SMPDL3B: variants seen among roughly 807,000 people sequenced by gnomAD.
SMPDL3B encodes the protein sphingomyelin phosphodiesterase acid like 3B.
In SMPDL3B, 31 loss-of-function variants were observed where a neutral mutation model predicts 37.9. The observed-to-expected ratio is 0.82, with a 90% CI of 0.61 to 1.10. SMPDL3B has a LOEUF of 1.10. Among genes scored for constraint, SMPDL3B ranks in the 50% least tolerant of loss-of-function variants. The pLI, the probability that SMPDL3B is intolerant of heterozygous loss-of-function variation, is 0.00. For synonymous variants in SMPDL3B, 235 were observed against 242.6 expected, an observed-to-expected ratio of 0.97 and a Z score of 0.29; for missense variants, 525 against 597.8, an observed-to-expected ratio of 0.88 and a Z score of 1.27.
chr1:27,953,443 G>A (rs991116080), intron 4 of SMPDL3B, 85 bp downstream of exon 4: 28 of 1,226,872 alleles, frequency 2.3e-5, no homozygotes, highest in Non-Finnish European at 3.2e-5. Flanking sequence ...CTTAGAATAA[G>A]TACTGATTTT....
rs1248463187 is a variant in SMPDL3B at position 27,955,783 on chromosome 1, C to T, written c.790C>T (p.Arg264Trp). 2 of 1,614,012 alleles carry T rather than the reference C, an allele frequency of 1.2e-6. No individual in the cohort carries two copies. Among genetic ancestry groups the T allele is most frequent in the African/African-American group, 1.3e-5 (1 of 74,906 alleles). The change falls in exon 6 of 8, where the codon CGG becomes TGG. Residue 264 changes from arginine to tryptophan, a missense_variant. Physicochemically the swap from Arg to Trp is moderately radical, Grantham distance 101. Coordinates refer to ENST00000373894, the MANE Select transcript of SMPDL3B (RefSeq NM_014474.4). ...CAATGAAAAATACCTGAAGGTGGTC[C>T]GGAAGCATCATCGCGTCATAGCAGG... ...GFNEKYLKVV[R>W]KHHRVIAGQF...
Position 27,958,654 on chromosome 1 carries a change from A to G in SMPDL3B, c.1184A>G (p.Tyr395Cys), listed in dbSNP as rs1219463829. Residue 395 changes from tyrosine (Y) to cysteine (C), a missense_variant, in exon 8 of 8, where the codon TAT becomes TGT. Physicochemically the swap from Tyr to Cys is radical, Grantham distance 194. Transcript: ENST00000373894. This position sits in a 1 kb window ranked among gnomAD's most constrained non-coding sequence, Gnocchi z 5.6. Reference protein sequence around the residue: ...DQSTLQRYYVYNSVSYSAGVC... With the variant: ...DQSTLQRYYVCNSVSYSAGVC... ...AGCACACTGCAGCGCTACTACGTCT[A>G]TAACTCAGTCAGCTACTCTGCTGGG... 17 of 1,613,894 alleles carry G rather than the reference A, an allele frequency of 1.1e-5. No individual in the cohort carries two copies. The highest frequency in any genetic ancestry group is 2.2e-5 in the East Asian group (1 of 44,904).
chr1:27,951,955 TATGAGGATTAA>T (rs1489426633), intron 3 of SMPDL3B, among the ~76,000 whole-genome samples: 1 of 152,228 alleles, frequency 6.6e-6, no homozygotes, highest in African/African-American at 2.4e-5. Flanking sequence ...ACAGGGTTGT[TATGAGGATTAA>T]ATAAGGTAAT....
intron 5 of SMPDL3B, 134 bp from the exon 6 acceptor site, chr1:27,955,550 C>A: frequency 1.2e-6 from 1 of 813,260 alleles, no homozygotes; most frequent in Non-Finnish European, 2.0e-6. Context: ...ACATGGAATC[C>A]GGGAGGCCTT....
rs189577089 is a variant in SMPDL3B at position 27,955,477 on chromosome 1, T to C, written c.691-207T>C. On this transcript the variant is annotated intron_variant, in intron 5 of 7. Transcript: ENST00000373894. The stretch of plus-strand genomic sequence containing the variant: ...GTGAAAAGGAGAAGGGTACTCCAGG[T>C]GGCAGGCACAGAGGTGGGAAGGTAT... Among the ~76,000 whole-genome samples the C allele has an allele frequency of 8.3e-4, 126 of 152,208 alleles. 2 individuals are homozygous for C. Among genetic ancestry groups the C allele is most frequent in the African/African-American group, 2.9e-3 (121 of 41,528 alleles).
chr1:27,954,655 A>G (rs898217422), intron 5 of SMPDL3B, 129 bp downstream of exon 5: 10 of 805,344 alleles, frequency 1.2e-5, no homozygotes, highest in Non-Finnish European at 2.0e-5. Flanking sequence ...GCCCGGCACC[A>G]GCAGAGGGCT....
rs2090293693 is a variant in SMPDL3B at position 27,935,009 on chromosome 1, T to C, written c.-175T>C. The C allele has an allele frequency of 1.7e-6, 1 of 589,720 alleles. No homozygotes were observed. The highest frequency in any genetic ancestry group is 3.0e-6 in the Non-Finnish European group (1 of 329,320). 36.5% of individuals were successfully genotyped at this position (589,720 alleles called of 1,614,324 possible). On this transcript the variant is annotated 5_prime_UTR_variant, in exon 1 of 8. Coordinates refer to ENST00000373894, the MANE Select transcript of SMPDL3B (RefSeq NM_014474.4). Reference sequence around the variant, plus strand: ...CGGGCCAGCCCAGATCATACCCTGCTGGGCAAAGGAGGAAGAGCCAGAGGA... The same window carrying C: ...CGGGCCAGCCCAGATCATACCCTGCCGGGCAAAGGAGGAAGAGCCAGAGGA...
chr1:27,959,110 G>A lies in SMPDL3B; in HGVS notation c.*272G>A, dbSNP rs928199817. On this transcript the variant is annotated 3_prime_UTR_variant, in exon 8 of 8. Transcript: ENST00000373894. Reference sequence around the variant, plus strand: ...CCCCCTACAAGCATACTTCTTTTGCGTATTATGTTTAACTCACAAAACAAA... The same window carrying A: ...CCCCCTACAAGCATACTTCTTTTGCATATTATGTTTAACTCACAAAACAAA... 1.8e-5 allele frequency: 8 copies of A among 455,162 alleles called. No homozygotes were observed. The highest frequency in any genetic ancestry group is 5.8e-4 in the Middle Eastern group (1 of 1,716). The allele number at this position is 455,162 out of a possible 1,614,324, so 28.2% of individuals were successfully genotyped here.
chr1:27,938,463 G>A (rs1421161693), intron 1 of SMPDL3B, among the ~76,000 whole-genome samples: 2 of 152,162 alleles, frequency 1.3e-5, no homozygotes, highest in Non-Finnish European at 2.9e-5. Flanking sequence ...CCTACCTGTG[G>A]TCCTGCCTTT....
At chr1:27,955,649 T>G in intron 5 of SMPDL3B, 35 bp from the exon 6 acceptor site, 1 of 1,593,232 alleles carries the variant, frequency 6.3e-7, no homozygotes. Flanking sequence ...GGAGAGGGCA[T>G]CTGTGAGCCT....
chr1:27,950,164 C>T (rs1169471647), intron 3 of SMPDL3B, among the ~76,000 whole-genome samples: 1 of 152,180 alleles, frequency 6.6e-6, no homozygotes, highest in Non-Finnish European at 1.5e-5. Flanking sequence ...CTTTCCTCAA[C>T]AAAGTCAATC....
chr1:27,954,942 T>C (rs1213192167), intron 5 of SMPDL3B, among the ~76,000 whole-genome samples: 1 of 152,200 alleles, frequency 6.6e-6, no homozygotes, highest in Non-Finnish European at 1.5e-5. Flanking sequence ...GCTCAGTGTC[T>C]CATTTGCCCA....
intron 3 of SMPDL3B, among the ~76,000 whole-genome samples, chr1:27,951,051 C>T (rs1284041318): frequency 6.6e-6 from 1 of 150,550 alleles, no homozygotes; most frequent in African/African-American, 2.5e-5. Context: ...GCATGAGCCA[C>T]CATGCCTGGC....
Position 27,945,423 on chromosome 1 carries a change from C to G in SMPDL3B, c.253C>G (p.Pro85Ala). ...IYAMKEIEPE[P>A]DFILWTGDDT... Reference sequence around the variant, plus strand: ...TGCCATGAAGGAGATTGAGCCAGAGCCAGACTTCATTCTCTGGACTGGGTG... The same window carrying G: ...TGCCATGAAGGAGATTGAGCCAGAGGCAGACTTCATTCTCTGGACTGGGTG... The change falls in exon 2 of 8, where the codon CCA becomes GCA. Residue 85 changes from proline (P) to alanine (A), a missense_variant. Coordinates refer to ENST00000373894, the MANE Select transcript of SMPDL3B (RefSeq NM_014474.4). This position sits in a 1 kb window ranked among gnomAD's most constrained non-coding sequence, Gnocchi z 4.0. 1 of 1,614,074 alleles carries G rather than the reference C, an allele frequency of 6.2e-7. No homozygotes were observed. The highest frequency in any genetic ancestry group is 8.5e-7 in the Non-Finnish European group (1 of 1,179,906).
intron 4 of SMPDL3B, 144 bp downstream of exon 4, chr1:27,953,502 G>A (rs2090472189): frequency 5.7e-6 from 4 of 700,428 alleles, no homozygotes; most frequent in Non-Finnish European, 9.2e-6. Flanking sequence ...CTTAGAAAAG[G>A]CAGTCTTGGG....
intron 1 of SMPDL3B, among the ~76,000 whole-genome samples, chr1:27,940,579 G>A (rs1343981044): frequency 6.6e-6 from 1 of 152,162 alleles, no homozygotes; most frequent in Non-Finnish European, 1.5e-5. Context: ...GGGTGGTGCA[G>A]TAGGACTCCC....
At chr1:27,946,867 T>C (rs2090413029) in intron 2 of SMPDL3B, among the ~76,000 whole-genome samples, 1 of 152,168 alleles carries the variant, frequency 6.6e-6, no homozygotes, top group Non-Finnish European at 1.5e-5. Flanking sequence ...CCTGGACAGC[T>C]CTGGCTTCCT....
chr1:27,945,326 A>G lies in SMPDL3B; in HGVS notation c.156A>G (p.Pro52=), dbSNP rs753508870. The part of the protein sequence containing the change: ...FQVCPSAGSQ[P]VPDAGPWGDY... ...TGTGCCCATCAGCTGGATCCCAGCC[A>G]GTGCCCGACGCAGGCCCCTGGGGTG... Residue 52 remains proline, a synonymous_variant, in exon 2 of 8, where the codon CCA becomes CCG. Coordinates refer to ENST00000373894, the MANE Select transcript of SMPDL3B (RefSeq NM_014474.4). The surrounding 1 kb of genome is among the most constrained non-coding windows in gnomAD (Gnocchi z 4.0). 5 of 1,614,084 alleles carry G rather than the reference A, an allele frequency of 3.1e-6. No homozygotes were observed. The African/African-American group carries it at 6.7e-5, about 22-fold the overall frequency.
At chr1:27,951,094 A>AT (rs2090452303) in intron 3 of SMPDL3B, among the ~76,000 whole-genome samples, 1 of 152,094 alleles carries the variant, frequency 6.6e-6, no homozygotes, top group Non-Finnish European at 1.5e-5. Context: ...AATGTAAATT[A>AT]TAAGATTTTG....
Sources: gnomAD v4.1 joint callset for allele counts (sites outside exome capture counted in the v4.1 genomes callset) on GRCh38, gnomAD v4.1.1 for gene constraint, Gnocchi (gnomAD v3.1) non-coding constraint, MANE v1.5 for transcripts, NCBI Gene and HGNC (gene_info 2026-07-23, HGNC 2026-07-21) for gene names.